The following SAMD5 variants were observed in gnomAD, a reference collection of about 807,000 sequenced individuals.
SAMD5 encodes the protein sterile alpha motif domain containing 5.
In SAMD5, 13 loss-of-function variants were observed where a neutral mutation model predicts 11.3. The observed-to-expected ratio is 1.15, with a 90% confidence interval of 0.75 to 1.83. The LOEUF (loss-of-function observed/expected upper bound fraction) is 1.83. Among genes scored for constraint, SAMD5 ranks in the 40% most tolerant of loss-of-function variants. The probability of loss-of-function intolerance (pLI) is 0.00; values close to 1 mark genes in which losing one functional copy is unlikely to be tolerated. For missense variants in SAMD5, 255 were observed against 239.1 expected (o/e 1.07, Z -0.44); for synonymous variants, 129 against 111.3 (o/e 1.16, Z -1.00).
chr6:147,813,717 A>C, the SAMD5 span, among the ~76,000 whole-genome samples: 1 of 152,186 alleles, frequency 6.6e-6, no homozygotes. Flanking sequence ...TTAAAGTAGC[A>C]ATATGCCTTC....
In SAMD5 at chr6:147,566,009, A is replaced by T; in HGVS notation, c.*1553A>T. On this transcript the variant is annotated 3_prime_UTR_variant, in exon 2 of 2. Transcript: ENST00000367474. ...AACTCTCAAAGGAAAAGAAACTTAC[A>T]TTCACTTTTTCCTGGTCCATTTTGG... 9 of 985,354 alleles carry T rather than the reference A, an allele frequency of 9.1e-6. No individual in the cohort carries two copies. Among genetic ancestry groups the T allele is most frequent in the Non-Finnish European group, 9.6e-6 (8 of 829,872 alleles). The allele number at this position is 985,354 out of a possible 1,614,324, so 61.0% of individuals were successfully genotyped here. A position where few individuals can be genotyped will look rare whatever the true frequency, so the allele number is the denominator to read the frequency against.
At chr6:147,839,548 G>A in the SAMD5 span, among the ~76,000 whole-genome samples, 21 of 152,160 alleles carry the variant, frequency 1.4e-4, no homozygotes, top group African/African-American at 3.6e-4. Context: ...TCGGGAGTTC[G>A]AGACCACCCC....
At chr6:147,871,489 CT>C in the SAMD5 span, among the ~76,000 whole-genome samples, 1 of 152,096 alleles carries the variant, frequency 6.6e-6, no homozygotes, top group African/African-American at 2.4e-5. Flanking sequence ...AATGTAACCT[CT>C]TTTTAAAGAT....
chr6:147,876,902 T>C, the SAMD5 span, among the ~76,000 whole-genome samples: 1 of 152,132 alleles, frequency 6.6e-6, no homozygotes, highest in Non-Finnish European at 1.5e-5. Context: ...GATTGTTGTA[T>C]TAAAATCAGA....
intron 1 of SAMD5, among the ~76,000 whole-genome samples, chr6:147,604,576 G>T (rs1023696989): frequency 1.1e-4 from 16 of 152,208 alleles, no homozygotes; most frequent in Non-Finnish European, 1.9e-4. Flanking sequence ...TTTCAATTCT[G>T]GTTTTCAAGA....
At chr6:147,888,497 C>T in the SAMD5 span, among the ~76,000 whole-genome samples, 2 of 152,038 alleles carry the variant, frequency 1.3e-5, no homozygotes, top group Non-Finnish European at 2.9e-5. Context: ...GGGGCATTGT[C>T]TTTTAGTTTG....
intron 1 of SAMD5, among the ~76,000 whole-genome samples, chr6:147,577,699 G>C (rs1434932016): frequency 1.3e-5 from 2 of 152,112 alleles, no homozygotes; most frequent in East Asian, 3.9e-4. Flanking sequence ...TGGCAAAAAA[G>C]TGATTTTTGA....
chr6:147,649,956 C>T (rs1790459325), intron 1 of SAMD5, among the ~76,000 whole-genome samples: 1 of 152,066 alleles, frequency 6.6e-6, no homozygotes, highest in South Asian at 2.1e-4. Context: ...TATAAGTGTA[C>T]CTTATATGTT....
the SAMD5 span, among the ~76,000 whole-genome samples, chr6:147,798,844 T>A: frequency 4.7e-3 from 722 of 152,138 alleles, 10 homozygotes; most frequent in African/African-American, 0.016. Flanking sequence ...GTCTCTTTTG[T>A]TCTTTGTTGG....
chr6:147,523,131 T>C (rs1286464591), intron 1 of SAMD5, among the ~76,000 whole-genome samples: 1 of 151,938 alleles, frequency 6.6e-6, no homozygotes, highest in Non-Finnish European at 1.5e-5. Context: ...GACCTTTCAG[T>C]GAAATATACA....
At chr6:147,806,303 T>TGC in the SAMD5 span, among the ~76,000 whole-genome samples, 27 of 141,176 alleles carry the variant, frequency 1.9e-4, no homozygotes, top group Admixed American at 7.6e-4. Context: ...AGTGTGCGCA[T>TGC]GCGCGCGCGC....
the SAMD5 span, among the ~76,000 whole-genome samples, chr6:147,836,932 C>T: frequency 0.014 from 2,177 of 152,228 alleles, 26 homozygotes; most frequent in Middle Eastern, 0.065. Context: ...ATATTTTGCT[C>T]ATTGCTGGGA....
chr6:147,750,555 A>C, the SAMD5 span, among the ~76,000 whole-genome samples: 1 of 152,188 alleles, frequency 6.6e-6, no homozygotes, highest in African/African-American at 2.4e-5. Context: ...CCTCCCTTGC[A>C]CACATTGCTT....
chr6:147,870,007 G>A, the SAMD5 span, among the ~76,000 whole-genome samples: 3 of 152,042 alleles, frequency 2.0e-5, no homozygotes, highest in Non-Finnish European at 2.9e-5. Flanking sequence ...GAGCCACCAC[G>A]CCCGGCCAAT....
the SAMD5 span, among the ~76,000 whole-genome samples, chr6:147,811,093 C>A: frequency 6.6e-6 from 1 of 152,306 alleles, no homozygotes; most frequent in Non-Finnish European, 1.5e-5. Context: ...TAACACCCAC[C>A]TGTGGGGTTG....
chr6:147,606,718 T>A (rs572151769), intron 1 of SAMD5, among the ~76,000 whole-genome samples: 2 of 151,728 alleles, frequency 1.3e-5, no homozygotes, highest in South Asian at 4.1e-4. Context: ...TAAATATGTA[T>A]AAAATATACA....
chr6:147,849,061 A>G, the SAMD5 span, among the ~76,000 whole-genome samples: 4 of 151,934 alleles, frequency 2.6e-5, no homozygotes, highest in South Asian at 2.1e-4. Flanking sequence ...TAGTTTGCCA[A>G]CCCCTCCTTT....
At chr6:147,896,590 A>G in the SAMD5 span, among the ~76,000 whole-genome samples, 2 of 152,144 alleles carry the variant, frequency 1.3e-5, no homozygotes, top group Admixed American at 6.6e-5. Flanking sequence ...AAATTAACCC[A>G]GTAACAGAAA....
chr6:147,830,251 C>CTTTTTTTTTTTTTTTTTTTTTTTTTT, the SAMD5 span, among the ~76,000 whole-genome samples: 3 of 84,934 alleles, frequency 3.5e-5, no homozygotes, highest in African/African-American at 9.3e-5. Context: ...TTCTTTCTTT[C>CTTTTTTTTTTTTTTTTTTTTTTTTTT]TTTTTTTTTT....
Sources: allele counts gnomAD v4.1 joint callset (sites outside exome capture counted in the v4.1 genomes callset), GRCh38; gene constraint gnomAD v4.1.1; transcripts MANE v1.5; gene names NCBI Gene and HGNC (gene_info 2026-07-23, HGNC 2026-07-21).